Variants in ST6GALNAC3 observed in about 807,000 individuals in gnomAD.
ST6GALNAC3 encodes alpha-N-acetylgalactosaminide alpha-2,6-sialyltransferase 3.
In ST6GALNAC3, 25 loss-of-function variants were observed where a neutral mutation model predicts 32.7. The ratio of observed to expected loss-of-function variants is 0.76; its 90% CI spans 0.56 to 1.07. The LOEUF is 1.07. Among genes scored for constraint, ST6GALNAC3 ranks in the 50% least tolerant of loss-of-function variants. The probability of loss-of-function intolerance (pLI) is 0.00; values close to 1 mark genes in which losing one functional copy is unlikely to be tolerated. For synonymous variants in ST6GALNAC3, 129 were observed against 133.1 expected (o/e 0.97, Z 0.21); for missense variants, 355 against 382.4 (o/e 0.93, Z 0.60).
At chr1:76,351,980 C>T (rs543536258) in intron 2 of ST6GALNAC3, among the ~76,000 whole-genome samples, 25 of 152,140 alleles carry the variant, frequency 1.6e-4, no homozygotes, top group African/African-American at 5.5e-4. Flanking sequence ...ATGTTTGTGG[C>T]CATCCGAAGG....
intron 2 of ST6GALNAC3, among the ~76,000 whole-genome samples, chr1:76,320,861 G>A (rs1646952746): frequency 6.6e-6 from 1 of 151,610 alleles, no homozygotes; most frequent in Non-Finnish European, 1.5e-5. Flanking sequence ...TCAAGTTCTA[G>A]CCACTTAAAT....
intron 1 of ST6GALNAC3, among the ~76,000 whole-genome samples, chr1:76,087,519 T>G (rs1182452650): frequency 6.6e-6 from 1 of 152,192 alleles, no homozygotes; most frequent in East Asian, 1.9e-4. Flanking sequence ...ATTTAGGGTG[T>G]GTATGAATAG....
intron 1 of ST6GALNAC3, among the ~76,000 whole-genome samples, chr1:76,215,077 C>T (rs1223292412): frequency 6.6e-6 from 1 of 152,166 alleles, no homozygotes; most frequent in Non-Finnish European, 1.5e-5. Context: ...TGGTTCTTCA[C>T]ATTTAGCTAG....
At chr1:76,444,219 A>T (rs919908989) in intron 3 of ST6GALNAC3, among the ~76,000 whole-genome samples, 1 of 152,172 alleles carries the variant, frequency 6.6e-6, no homozygotes, top group Non-Finnish European at 1.5e-5. Flanking sequence ...AGTGCACCAA[A>T]CTATAGAGCC....
chr1:76,105,507 T>TTTGAGATGTGCTA (rs60694649), intron 1 of ST6GALNAC3, among the ~76,000 whole-genome samples: 43,142 of 152,040 alleles, frequency 0.28, 7,676 homozygotes, highest in African/African-American at 0.5. Flanking sequence ...CATCCTGAGA[T>TTTGAGATGTGCTA]TAGGTCACAG....
intron 3 of ST6GALNAC3, among the ~76,000 whole-genome samples, chr1:76,525,795 A>ATATATATACATATATATATATATATACG: frequency 2.1e-5 from 1 of 47,822 alleles, no homozygotes; most frequent in East Asian, 4.6e-4. Context: ...GTGTGTGTAT[A>ATATATATACATATATATATATATATACG]TATATATATA....
chr1:76,274,789 CTT>C (rs1411408636), intron 1 of ST6GALNAC3, among the ~76,000 whole-genome samples: 3 of 152,114 alleles, frequency 2.0e-5, no homozygotes, highest in Admixed American at 2.0e-4. Context: ...TCCTGACAAA[CTT>C]ATGTGATTTA....
intron 1 of ST6GALNAC3, among the ~76,000 whole-genome samples, chr1:76,272,564 C>T (rs1208108610): frequency 6.6e-6 from 1 of 152,180 alleles, no homozygotes; most frequent in African/African-American, 2.4e-5. Context: ...TGTACTCGAA[C>T]CATGAACAGC....
At chr1:76,523,023 A>C (rs1414175587) in intron 3 of ST6GALNAC3, among the ~76,000 whole-genome samples, 1 of 152,192 alleles carries the variant, frequency 6.6e-6, no homozygotes, top group African/African-American at 2.4e-5. Context: ...GAAGGAGCCT[A>C]GGTCCATCCC....
intron 3 of ST6GALNAC3, among the ~76,000 whole-genome samples, chr1:76,530,835 T>C (rs1269825025): frequency 6.6e-6 from 1 of 152,138 alleles, no homozygotes; most frequent in Non-Finnish European, 1.5e-5. Context: ...TCATACCCTA[T>C]TTAATGACTC....
At position 76,159,857 on chromosome 1, in the gene ST6GALNAC3, A is replaced by G. The variant is rs185225615; in HGVS notation, c.18+84973A>G. ...CTAATTTAATTTCCCCATCAACCCT[A>G]CAAAGGAATTACTGTGGTTGTTCTC... On this transcript the variant is annotated intron_variant, in intron 1 of 4. Transcript: ENST00000328299. 4.1e-3 allele frequency among the ~76,000 whole-genome samples: 617 copies of G among 152,320 alleles called. 5 individuals carry two copies. The highest frequency in any genetic ancestry group is 0.014 in the African/African-American group (601 of 41,580).
intron 3 of ST6GALNAC3, among the ~76,000 whole-genome samples, chr1:76,423,725 A>G (rs1415467187): frequency 6.6e-6 from 1 of 152,036 alleles, no homozygotes; most frequent in East Asian, 1.9e-4. Flanking sequence ...GCATGTAATA[A>G]CATTCTTCTG....
At chr1:76,100,985 A>G (rs554373754) in intron 1 of ST6GALNAC3, among the ~76,000 whole-genome samples, 15 of 152,196 alleles carry the variant, frequency 9.9e-5, no homozygotes, top group East Asian at 3.9e-4. Flanking sequence ...TCAGGGTGCT[A>G]TATTTGTTAC....
At chr1:76,383,132 G>A (rs1651840451) in intron 2 of ST6GALNAC3, among the ~76,000 whole-genome samples, 1 of 152,158 alleles carries the variant, frequency 6.6e-6, no homozygotes, top group Non-Finnish European at 1.5e-5. Flanking sequence ...TCAAAGTACT[G>A]AAAGGAAGTA....
intron 3 of ST6GALNAC3, among the ~76,000 whole-genome samples, chr1:76,423,186 C>T (rs1655149994): frequency 6.6e-6 from 1 of 152,012 alleles, no homozygotes; most frequent in South Asian, 2.1e-4. Flanking sequence ...GCCATCATCA[C>T]AGCATTACCT....
chr1:76,523,958 A>G (rs1415271944), intron 3 of ST6GALNAC3, among the ~76,000 whole-genome samples: 1 of 152,162 alleles, frequency 6.6e-6, no homozygotes, highest in African/African-American at 2.4e-5. Flanking sequence ...TCTTCCAGAA[A>G]AAAATGCAGC....
intron 2 of ST6GALNAC3, among the ~76,000 whole-genome samples, chr1:76,332,987 A>C (rs898177904): frequency 6.6e-6 from 1 of 152,124 alleles, no homozygotes; most frequent in Non-Finnish European, 1.5e-5. Context: ...ACTTTTGTGC[A>C]GAGCTCCTCT....
chr1:76,488,101 C>T (rs1187323378), intron 3 of ST6GALNAC3, among the ~76,000 whole-genome samples: 1 of 152,082 alleles, frequency 6.6e-6, no homozygotes, highest in Non-Finnish European at 1.5e-5. Flanking sequence ...TGTCCCTGCC[C>T]AAATCTCATG....
At chr1:76,515,763 T>C (rs893384867) in intron 3 of ST6GALNAC3, among the ~76,000 whole-genome samples, 1 of 152,210 alleles carries the variant, frequency 6.6e-6, no homozygotes, top group Admixed American at 6.5e-5. Flanking sequence ...ACCATTATGG[T>C]CTGAAAAGAT....
Sources: allele counts gnomAD v4.1 joint callset (sites outside exome capture counted in the v4.1 genomes callset), GRCh38; gene constraint gnomAD v4.1.1; transcripts MANE v1.5; gene names NCBI Gene and HGNC (gene_info 2026-07-23, HGNC 2026-07-21).